Variants in TMEM213 observed in about 807,000 individuals in gnomAD.
The protein encoded by TMEM213 is transmembrane protein 213.
A neutral mutation model predicts 11.6 loss-of-function variants in TMEM213; 7 were observed. That is an observed-to-expected ratio of 0.60 (90% CI 0.34 to 1.13). The LOEUF is 1.13. Ranked by LOEUF, TMEM213 falls within the 50% of genes most tolerant of loss-of-function variation. TMEM213 has a pLI of 0.03. For synonymous variants in TMEM213, 60 were observed against 58.3 expected (o/e 1.03, Z -0.13); for missense variants, 129 against 139.0 (o/e 0.93, Z 0.36).
At position 138,804,018 on chromosome 7, in the gene TMEM213, C is replaced by T. The variant is rs1367230456; in HGVS notation, c.*949C>T. ...ACCCCCACCTCAGGTCCTTCTCCAG[C>T]TCTCCTTCTGGCTTCATCCTGTCTT... On this transcript the variant is annotated 3_prime_UTR_variant, in exon 3 of 3. Coordinates refer to ENST00000442682, the MANE Select transcript of TMEM213 (RefSeq NM_001085429.2). 2 of 152,526 alleles carry T rather than the reference C, an allele frequency of 1.3e-5. No individual in the cohort carries two copies. The highest frequency in any genetic ancestry group is 2.9e-5 in the Non-Finnish European group (2 of 68,334). The allele number at this position is 152,526 out of a possible 1,614,324, so 9.4% of individuals were successfully genotyped here. A position where few individuals can be genotyped will look rare whatever the true frequency, so the allele number is the denominator to read the frequency against.
chr7:138,802,975 T>C lies in TMEM213; in HGVS notation c.230T>C (p.Val77Ala), dbSNP rs1808996939. The change falls in exon 3 of 3, where the codon GTT becomes GCT. Residue 77 changes from valine (V) to alanine (A), a missense_variant. By Grantham distance (64) the Val-to-Ala change is moderately conservative. Transcript: ENST00000442682. The stretch of plus-strand genomic sequence containing the variant: ...GAGTACGGCTGGATCGCGGCAGCTG[T>C]TGGCTGGAGCCTCTGGTTCCTCACC... ...VDEYGWIAAA[V>A]GWSLWFLTLI... is the part of the protein sequence containing the mutation. 6.2e-7 allele frequency: 1 copy of C among 1,613,390 alleles called. No individual in the cohort carries two copies. Among genetic ancestry groups the C allele is most frequent in the Non-Finnish European group, 8.5e-7 (1 of 1,179,798 alleles).
intron 1 of TMEM213, among the ~76,000 whole-genome samples, chr7:138,798,907 A>G (rs1808827218): frequency 6.6e-6 from 1 of 151,850 alleles, no homozygotes; most frequent in South Asian, 2.1e-4. Context: ...CACACTCTCT[A>G]TGCCCTGCAA....
intron 1 of TMEM213, among the ~76,000 whole-genome samples, chr7:138,800,931 T>G (rs1020134182): frequency 6.6e-6 from 1 of 152,088 alleles, no homozygotes; most frequent in Non-Finnish European, 1.5e-5. Flanking sequence ...ACTCCTGACC[T>G]CAGGTGATCT....
intron 2 of TMEM213, 22 bp from the exon 3 acceptor site, chr7:138,802,878 C>T (rs770928005): frequency 1.8e-5 from 28 of 1,531,814 alleles, no homozygotes; most frequent in Non-Finnish European, 2.4e-5. Flanking sequence ...TGCCGTCGTC[C>T]TTGCTGTCCC....
intron 2 of TMEM213, 124 bp from the exon 3 acceptor site, chr7:138,802,776 G>A: frequency 2.0e-6 from 2 of 1,002,072 alleles, no homozygotes; most frequent in Non-Finnish European, 2.8e-6. Flanking sequence ...ACAGTGCATG[G>A]CACGTAGTAG....
chr7:138,800,854 C>G (rs1808918786), intron 1 of TMEM213, among the ~76,000 whole-genome samples: 1 of 152,080 alleles, frequency 6.6e-6, no homozygotes, highest in South Asian at 2.1e-4. Flanking sequence ...CATGCACCAC[C>G]ACGCCCGGCT....
intron 1 of TMEM213, 117 bp from the exon 2 acceptor site, chr7:138,801,210 G>C: frequency 1.1e-6 from 1 of 943,468 alleles, no homozygotes; most frequent in Non-Finnish European, 1.6e-6. Flanking sequence ...TGCCCATGCG[G>C]GAGCTTCTAT....
At chr7:138,798,704 T>A (rs1408645046) in intron 1 of TMEM213, among the ~76,000 whole-genome samples, 1 of 152,060 alleles carries the variant, frequency 6.6e-6, no homozygotes, top group African/African-American at 2.4e-5. Flanking sequence ...ATTCACTGTC[T>A]CCCACCCTCC....
Position 138,803,381 on chromosome 7 carries a change from C to CCTG in TMEM213, c.*312_*313insCTG. The CCTG allele has an allele frequency of 3.3e-6, 1 of 300,630 alleles. No individual in the cohort carries two copies. Among genetic ancestry groups the CCTG allele is most frequent in the Non-Finnish European group, 6.2e-6 (1 of 160,244 alleles). 18.6% of individuals were successfully genotyped at this position (300,630 alleles called of 1,614,324 possible). On this transcript the variant is annotated 3_prime_UTR_variant, in exon 3 of 3. Transcript: ENST00000442682. ...TGCACAAGAAACTATAAGACTTAGT[C>CCTG]TCATCATCAACATTTTCAGAAGCAA...
intron 1 of TMEM213, among the ~76,000 whole-genome samples, chr7:138,799,108 T>C (rs578037849): frequency 6.6e-4 from 101 of 152,254 alleles, no homozygotes; most frequent in African/African-American, 2.4e-3. Flanking sequence ...GCAAATGACT[T>C]TACCTCTCTA....
rs1808795282 is a variant in TMEM213, at chr7:138,798,297, C to G, written c.82+111C>G. The stretch of plus-strand genomic sequence containing the variant: ...GGAAGATTCTTTGGCCAGGGTTGGT[C>G]CTGCGCAAAGGAAGGAGGAAACAGA... On this transcript the variant is annotated intron_variant, in intron 1 of 2. Transcript: ENST00000442682. 4 of 908,848 alleles carry G rather than the reference C, an allele frequency of 4.4e-6. No individual in the cohort carries two copies. The South Asian group carries it at 6.6e-5, about 15-fold the overall frequency. 56.3% of individuals were successfully genotyped at this position (908,848 alleles called of 1,614,324 possible).
intron 1 of TMEM213, 71 bp from the exon 2 acceptor site, chr7:138,801,256 A>G: frequency 7.1e-7 from 1 of 1,403,380 alleles, no homozygotes; most frequent in Non-Finnish European, 9.9e-7. Flanking sequence ...ATTTACAAAA[A>G]ACATTTCAAA....
In TMEM213 at chr7:138,803,057, C is replaced by T. The variant is rs1301650606; in HGVS notation, c.312C>T (p.Asp104=). The change falls in exon 3 of 3, where the codon GAC becomes GAT. Residue 104 remains aspartate, a synonymous_variant. Coordinates refer to ENST00000442682, the MANE Select transcript of TMEM213 (RefSeq NM_001085429.2). ...LMKLTPDEPK[D]LQA Reference sequence around the variant, plus strand: ...AGCTGACTCCAGATGAGCCCAAGGACTTGCAAGCGTGAGACCCAGGCTCGG... The same window carrying T: ...AGCTGACTCCAGATGAGCCCAAGGATTTGCAAGCGTGAGACCCAGGCTCGG... 2 of 1,613,368 alleles carry T rather than the reference C, an allele frequency of 1.2e-6. No individual in the cohort carries two copies. The highest frequency in any genetic ancestry group is 1.7e-5 in the Admixed American group (1 of 59,974).
rs1312591646 is a variant in TMEM213, at chr7:138,805,466, C to T, written c.*2397C>T. 1 of 151,426 alleles carries T rather than the reference C, an allele frequency of 6.6e-6. No homozygotes were observed. Among genetic ancestry groups the T allele is most frequent in the African/African-American group, 2.4e-5 (1 of 41,172 alleles). 9.4% of individuals were successfully genotyped at this position (151,426 alleles called of 1,614,324 possible). ...TGGATATACAATATGAGTATGTGTT[C>T]CATGTTTTCAGAAATTCAAAGGAAG... On this transcript the variant is annotated 3_prime_UTR_variant, in exon 3 of 3. Coordinates refer to ENST00000442682, the MANE Select transcript of TMEM213 (RefSeq NM_001085429.2).
Position 138,803,635 on chromosome 7 carries a change from A to G in TMEM213, c.*566A>G. On this transcript the variant is annotated 3_prime_UTR_variant, in exon 3 of 3. Transcript: ENST00000442682. ...TCTACTAAAAATACAAAAATTAGCC[A>G]GGTGTGGTGGTGCACACCTGTAATC... The G allele has an allele frequency of 6.4e-6, 1 of 157,434 alleles. No individual in the cohort carries two copies. Among genetic ancestry groups the G allele is most frequent in the Non-Finnish European group, 1.4e-5 (1 of 71,090 alleles). 9.8% of individuals were successfully genotyped at this position (157,434 alleles called of 1,614,324 possible).
rs191674560 is a variant in TMEM213 at position 138,805,999 on chromosome 7, A to G, written c.*2930A>G. ...TGAAGTATGTGCAGTCTGCCATCTCACATTAAAATGTAGGCATTTTGTCAA... is the reference window on the plus strand; with the variant it reads ...TGAAGTATGTGCAGTCTGCCATCTCGCATTAAAATGTAGGCATTTTGTCAA... On this transcript the variant is annotated 3_prime_UTR_variant, in exon 3 of 3. Transcript: ENST00000442682. The G allele has an allele frequency of 1.2e-4, 18 of 152,266 alleles. No homozygotes were observed. Among genetic ancestry groups the G allele is most frequent in the African/African-American group, 4.3e-4 (18 of 41,554 alleles). 9.4% of individuals were successfully genotyped at this position (152,266 alleles called of 1,614,324 possible). A position where few individuals can be genotyped will look rare whatever the true frequency, so the allele number is the denominator to read the frequency against.
rs778834801 is a variant in TMEM213, at chr7:138,798,093, A to G, written c.-12A>G. On this transcript the variant is annotated 5_prime_UTR_variant, in exon 1 of 3. Transcript: ENST00000442682. ...GGCTCACCTGCACCGGGCACTCAGC[A>G]CAGCCTCCAGCATGCAGCGCCTCCC... is the stretch of plus-strand genomic sequence containing the variant. 1 of 1,592,022 alleles carries G rather than the reference A, an allele frequency of 6.3e-7. No homozygotes were observed. Among genetic ancestry groups the G allele is most frequent in the Admixed American group, 1.8e-5 (1 of 56,406 alleles).
At chr7:138,798,291 G>A (rs907006516) in intron 1 of TMEM213, 105 bp downstream of exon 1, 1 of 997,426 alleles carries the variant, frequency 1.0e-6, no homozygotes, top group Non-Finnish European at 1.4e-6. Context: ...TTTGGCCAGG[G>A]TTGGTCCTGC....
At position 138,804,648 on chromosome 7, in the gene TMEM213, T is replaced by C. The variant is rs1444211601; in HGVS notation, c.*1579T>C. The stretch of plus-strand genomic sequence containing the variant: ...ATTAATGAATGAATGAACAAATGAG[T>C]CTTTGCCCTAGACAACTTAAGGTCC... On this transcript the variant is annotated 3_prime_UTR_variant, in exon 3 of 3. Transcript: ENST00000442682. The C allele has an allele frequency of 6.6e-6, 1 of 152,112 alleles. No homozygotes were observed. The highest frequency in any genetic ancestry group is 1.9e-4 in the East Asian group (1 of 5,192). The allele number at this position is 152,112 out of a possible 1,614,324, so 9.4% of individuals were successfully genotyped here.
Sources: allele counts gnomAD v4.1 joint callset (sites outside exome capture counted in the v4.1 genomes callset), GRCh38; gene constraint gnomAD v4.1.1; transcripts MANE v1.5; gene names NCBI Gene and HGNC (gene_info 2026-07-23, HGNC 2026-07-21).